Variants in POTEE observed in about 807,000 individuals in gnomAD.
POTEE encodes ANKRD26-like family C member 1A.
POTEE carries 21 observed loss-of-function variants against 74.2 expected under a neutral mutation model. The observed-to-expected ratio is 0.28, with a 90% confidence interval of 0.20 to 0.41. POTEE has a LOEUF of 0.41. POTEE is among the 10% of genes least tolerant of loss of function. POTEE has a pLI of 1.00. For missense variants in POTEE, 525 were observed against 1,158.6 expected, an observed-to-expected ratio of 0.45 and a Z score of 7.94; for synonymous variants, 211 against 432.8, an observed-to-expected ratio of 0.49 and a Z score of 6.36.
In POTEE at chr2:131,251,279, A is replaced by AT. The variant is rs1281452571; in HGVS notation, c.1551+431_1551+432insT. Among the ~76,000 whole-genome samples, 148 of 33,476 alleles carry AT rather than the reference A, an allele frequency of 4.4e-3. 16 individuals carry two copies. Among genetic ancestry groups the AT allele is most frequent in the African/African-American group, 8.5e-3 (137 of 16,046 alleles). 22.0% of individuals were successfully genotyped at this position (33,476 alleles called of 152,430 possible). A position where few individuals can be genotyped will look rare whatever the true frequency, so the allele number is the denominator to read the frequency against. On this transcript the variant is annotated intron_variant, in intron 14 of 17. Transcript: ENST00000683005. Reference sequence around the variant, plus strand: ...ACTCCATGTGAAAAAAAAAAAAAAAAATTTTAATAGATTCTTAAAATTTAT... The same window carrying AT: ...ACTCCATGTGAAAAAAAAAAAAAAAATATTTTAATAGATTCTTAAAATTTAT...
At chr2:131,217,568 G>A (rs1343097866) in intron 2 of POTEE, among the ~76,000 whole-genome samples, 21 bp from the exon 3 acceptor site, 1 of 150,242 alleles carries the variant, frequency 6.7e-6, no homozygotes, top group Non-Finnish European at 1.5e-5. Flanking sequence ...TCCTTTAAGA[G>A]GCTTTTTTTT....
chr2:131,232,796 T>C (rs1246281830), intron 9 of POTEE, among the ~76,000 whole-genome samples: 1 of 151,898 alleles, frequency 6.6e-6, no homozygotes, highest in Non-Finnish European at 1.5e-5. Context: ...CCCTTCATGG[T>C]TGGCTAATCC....
intron 4 of POTEE, 74 bp downstream of exon 4, chr2:131,218,997 G>A (rs1700532234): frequency 6.3e-7 from 1 of 1,589,664 alleles, no homozygotes; most frequent in Non-Finnish European, 8.6e-7. Context: ...CGGGGGAGGA[G>A]GGGGACCTGG....
At chr2:131,211,587 C>A (rs1234875402) in intron 2 of POTEE, among the ~76,000 whole-genome samples, 1 of 110,306 alleles carries the variant, frequency 9.1e-6, no homozygotes. Flanking sequence ...GAGTCTCGCT[C>A]TTTTGCCCAG....
At position 131,263,813 on chromosome 2, in the gene POTEE, GCAC is replaced by G. The variant is rs1479174479; in HGVS notation, c.2362_2364del (p.His788del). 1.9e-6 allele frequency: 3 copies of G among 1,613,856 alleles called. No individual in the cohort carries two copies. In the African/African-American group the frequency reaches 4.0e-5, roughly 22 times the overall value. On this transcript the variant is annotated inframe_deletion, in exon 18 of 18. Transcript: ENST00000683005. ...ACTGGGATGACATGGAGAAGATCTG[GCAC>G]CACACCTTCTACAACGAGCTGCGTG...
At chr2:131,211,534 G>A (rs1390523543) in intron 2 of POTEE, among the ~76,000 whole-genome samples, 2 of 86,882 alleles carry the variant, frequency 2.3e-5, no homozygotes, top group African/African-American at 6.7e-5. Flanking sequence ...GTGTGTGTGT[G>A]TGTGTGGCTT....
intron 12 of POTEE, among the ~76,000 whole-genome samples, chr2:131,244,074 GA>G (rs1701312257): frequency 5.6e-5 from 1 of 17,758 alleles, no homozygotes; most frequent in Non-Finnish European, 1.2e-4. Flanking sequence ...ATGGTAAACT[GA>G]GTCAGAGGAA....
Position 131,218,080 on chromosome 2 carries a change from C to T in POTEE, c.-93-230C>T, listed in dbSNP as rs1166955170. ...CTCGTGTTCCTTTGCTGGGCTTGAC[C>T]TTTTCTCTGCTGGGTTTGGCATTCC... is the stretch of plus-strand genomic sequence containing the variant. On this transcript the variant is annotated intron_variant, in intron 3 of 17. Coordinates refer to ENST00000683005, the MANE Select transcript of POTEE (RefSeq NM_001083538.3). The T allele has an allele frequency of 2.9e-4, 132 of 458,368 alleles. 5 individuals are homozygous for T. In the Admixed American group the frequency reaches 5.1e-3, roughly 18 times the overall value. 28.4% of individuals were successfully genotyped at this position (458,368 alleles called of 1,614,324 possible).
At position 131,226,936 on chromosome 2, in the gene POTEE, T is replaced by G; in HGVS notation, c.917+7T>G. On this transcript the variant is annotated splice_region_variant and intron_variant, in intron 7 of 17. Transcript: ENST00000683005. ...CACTGGATAGATATGGAAGGTATAG[T>G]TCTTTCTTTTAATCTGTGTGTTCTA... 1 of 1,603,520 alleles carries G rather than the reference T, an allele frequency of 6.2e-7. No individual in the cohort carries two copies. The highest frequency in any genetic ancestry group is 8.5e-7 in the Non-Finnish European group (1 of 1,179,048).
chr2:131,217,786 G>GC (rs1700481042), intron 3 of POTEE, among the ~76,000 whole-genome samples, 103 bp downstream of exon 3: 3 of 138,686 alleles, frequency 2.2e-5, no homozygotes, highest in African/African-American at 8.0e-5. Flanking sequence ...GCACGCGCAC[G>GC]CGCACGCCCG....
rs1260817755 is a variant in POTEE at position 131,211,173 on chromosome 2, C to G, written c.-199C>G. ...GATGGCAGCCACGGAGACTGCAGCT[C>G]GACAGGAGTGGTAGGAGGGTGCCCG... On this transcript the variant is annotated 5_prime_UTR_variant, in exon 2 of 18. Coordinates refer to ENST00000683005, the MANE Select transcript of POTEE (RefSeq NM_001083538.3). Among the ~76,000 whole-genome samples the G allele has an allele frequency of 6.6e-6, 1 of 151,610 alleles. No individual in the cohort carries two copies. The highest frequency in any genetic ancestry group is 1.5e-5 in the Non-Finnish European group (1 of 68,012).
chr2:131,217,546 T>C (rs1454943818), intron 2 of POTEE, among the ~76,000 whole-genome samples, 43 bp from the exon 3 acceptor site: 4 of 147,698 alleles, frequency 2.7e-5, no homozygotes, highest in African/African-American at 1.0e-4. Context: ...TCCAGACGCT[T>C]AGCCCCAGTC....
rs1378953505 is a variant in POTEE, at chr2:131,211,074, A to AG, written c.-296dup. On this transcript the variant is annotated 5_prime_UTR_variant, in exon 2 of 18. An upstream open reading frame in the 5' UTR gains an earlier in-frame stop. Transcript: ENST00000683005. The stretch of plus-strand genomic sequence containing the variant: ...TAGCTGCTCCAAGCCAGGCTGGAGG[A>AG]GGAGGAGAAGGAATCACCTGTGGTA... 2.0e-5 allele frequency among the ~76,000 whole-genome samples: 3 copies of AG among 150,836 alleles called. No individual in the cohort carries two copies. The highest frequency in any genetic ancestry group is 7.4e-5 in the African/African-American group (3 of 40,284).
At chr2:131,225,205 T>G (rs2105079056) in intron 6 of POTEE, among the ~76,000 whole-genome samples, 1 of 152,202 alleles carries the variant, frequency 6.6e-6, no homozygotes, top group East Asian at 1.9e-4. Context: ...TTCTGAATAT[T>G]TTGATACAGT....
chr2:131,232,534 C>G (rs1366555041), intron 9 of POTEE, among the ~76,000 whole-genome samples: 185 of 138,124 alleles, frequency 1.3e-3, no homozygotes, highest in African/African-American at 5.2e-3. Context: ...GTGTGTGATA[C>G]GAGAGGTTGG....
intron 9 of POTEE, among the ~76,000 whole-genome samples, chr2:131,235,635 C>T (rs531644007): frequency 2.0e-4 from 30 of 151,630 alleles, no homozygotes; most frequent in African/African-American, 7.0e-4. Context: ...CTACTAAAAA[C>T]ATGAAAATTA....
At chr2:131,231,262 G>A (rs1445421370) in intron 9 of POTEE, among the ~76,000 whole-genome samples, 1 of 149,198 alleles carries the variant, frequency 6.7e-6, no homozygotes, top group Non-Finnish European at 1.5e-5. Context: ...TCACAACAGG[G>A]TTCATGCTCC....
intron 8 of POTEE, among the ~76,000 whole-genome samples, chr2:131,230,199 A>T (rs1262092995): frequency 1.3e-5 from 2 of 152,164 alleles, no homozygotes; most frequent in Non-Finnish European, 2.9e-5. Context: ...ACAAACTATG[A>T]CATAGTTGAG....
chr2:131,225,377 C>A (rs1700748999), intron 6 of POTEE, among the ~76,000 whole-genome samples: 1 of 151,944 alleles, frequency 6.6e-6, no homozygotes. Context: ...GACCCTGTCT[C>A]TAACAACAAC....
Sources: allele counts gnomAD v4.1 joint callset (sites outside exome capture counted in the v4.1 genomes callset), GRCh38; gene constraint gnomAD v4.1.1; transcripts MANE v1.5; gene names NCBI Gene and HGNC (gene_info 2026-07-23, HGNC 2026-07-21).